Variants in CTSB observed in about 807,000 individuals in gnomAD.
CTSB encodes the protein APP secretase.
In CTSB, 57 loss-of-function variants were observed where a neutral mutation model predicts 44.3. That is an observed-to-expected ratio of 1.29 (90% CI 1.04 to 1.60). CTSB has a LOEUF of 1.60. Ranked by LOEUF, CTSB falls within the 40% of genes most tolerant of loss-of-function variation. The pLI is 0.00. For synonymous variants in CTSB, 320 were observed against 168.0 expected, an observed-to-expected ratio of 1.91 and a Z score of -7.00; for missense variants, 768 against 443.0, an observed-to-expected ratio of 1.73 and a Z score of -6.59.
In CTSB at chr8:11,843,863, T is replaced by G. The variant is rs1586058510; in HGVS notation, c.*1262A>C. The G allele has an allele frequency of 6.6e-6, 1 of 152,172 alleles. No individual in the cohort carries two copies. Among genetic ancestry groups the G allele is most frequent in the Non-Finnish European group, 1.5e-5 (1 of 68,050 alleles). The allele number at this position is 152,172 out of a possible 1,614,324, so 9.4% of individuals were successfully genotyped here. ...CTGGCCAACATGGTGAAATCCTGTA[T>G]GTACTTAAAAATACAAAAATTACCC... On this transcript the variant is annotated 3_prime_UTR_variant, in exon 10 of 10. Coordinates refer to ENST00000353047, the MANE Select transcript of CTSB (RefSeq NM_001908.5).
chr8:11,844,022 C>T lies in CTSB; in HGVS notation c.*1103G>A, dbSNP rs62495679. ...CACTCCAGCCTGGGAGACGGAATCT[C>T]ACTCTGTCAGTCACAACAACAACAA... On this transcript the variant is annotated 3_prime_UTR_variant, in exon 10 of 10. Transcript: ENST00000353047. The T allele has an allele frequency of 1.2e-4, 17 of 136,014 alleles. No homozygotes were observed. Among genetic ancestry groups the T allele is most frequent in the African/African-American group, 6.1e-4 (17 of 28,084 alleles). 8.4% of individuals were successfully genotyped at this position (136,014 alleles called of 1,614,324 possible).
At chr8:11,853,582 G>T in intron 1 of CTSB, 103 bp from the exon 2 acceptor site, 2 of 1,185,174 alleles carry the variant, frequency 1.7e-6, no homozygotes, top group South Asian at 1.5e-5. Context: ...CCCCATGCTC[G>T]TCCTGGCCCA....
At chr8:11,861,094 A>G (rs985491836) in intron 1 of CTSB, among the ~76,000 whole-genome samples, 1 of 152,206 alleles carries the variant, frequency 6.6e-6, no homozygotes, top group African/African-American at 2.4e-5. Flanking sequence ...TGTTTAGTAG[A>G]TTCTTGGCTT....
In CTSB at chr8:11,847,689, G is replaced by C. The variant is rs1437352509; in HGVS notation, c.666C>G (p.Asp222Glu). The C allele has an allele frequency of 2.5e-6, 4 of 1,568,724 alleles. No homozygotes were observed. The highest frequency in any genetic ancestry group is 2.6e-6 in the Non-Finnish European group (3 of 1,160,508). ...EPGYSPTYKQDKHYGYNSYSV... is the reference protein window; with the variant it reads ...EPGYSPTYKQEKHYGYNSYSV... Reference sequence around the variant, plus strand: ...CCCCAGGCCCCTTACCGTAGTGCTTGTCCTGTTTGTAGGTCGGGCTGTAGC... The same window carrying C: ...CCCCAGGCCCCTTACCGTAGTGCTTCTCCTGTTTGTAGGTCGGGCTGTAGC... The change falls in exon 7 of 10, where the codon GAC becomes GAG. Residue 222 changes from aspartate to glutamate, a missense_variant. By Grantham distance (45) the Asp-to-Glu change is conservative. Transcript: ENST00000353047.
chr8:11,863,445 G>C (rs1816701240), intron 1 of CTSB, among the ~76,000 whole-genome samples: 1 of 151,400 alleles, frequency 6.6e-6, no homozygotes, highest in South Asian at 2.1e-4. Context: ...GCGACACAGT[G>C]AGACTCCGTT....
At chr8:11,848,014 T>TA in intron 6 of CTSB, 53 bp downstream of exon 6, 1 of 1,467,188 alleles carries the variant, frequency 6.8e-7, no homozygotes, top group East Asian at 2.3e-5. Flanking sequence ...CCATGATGGT[T>TA]AATTGCTCAA....
chr8:11,845,308 T>C, intron 9 of CTSB, 86 bp from the exon 10 acceptor site: 1 of 1,045,020 alleles, frequency 9.6e-7, no homozygotes, highest in South Asian at 1.4e-5. Flanking sequence ...CTTAAGTCAC[T>C]CATCCCTGGC....
chr8:11,845,523 G>C (rs919005546), intron 9 of CTSB, 138 bp downstream of exon 9: 5 of 1,049,634 alleles, frequency 4.8e-6, no homozygotes, highest in Non-Finnish European at 6.8e-6. Context: ...TGACTGCCTG[G>C]CACTTAGGAG....
intron 1 of CTSB, 144 bp from the exon 2 acceptor site, chr8:11,853,623 T>A: frequency 1.3e-6 from 1 of 783,054 alleles, no homozygotes. Context: ...CTGAGGTGTC[T>A]ATGGGATCCC....
chr8:11,856,832 T>C (rs1815597649), intron 1 of CTSB, among the ~76,000 whole-genome samples: 1 of 148,894 alleles, frequency 6.7e-6, no homozygotes, highest in Admixed American at 6.8e-5. Flanking sequence ...AGACTTTTTT[T>C]CACAACATAC....
chr8:11,863,820 G>A (rs1816746378), intron 1 of CTSB, among the ~76,000 whole-genome samples: 1 of 152,150 alleles, frequency 6.6e-6, no homozygotes, highest in Non-Finnish European at 1.5e-5. Flanking sequence ...TCTGCACACT[G>A]CTGGGCGAGT....
rs548336964 is a variant in CTSB, at chr8:11,858,954, C to T, written c.-25-5475G>A. Reference sequence around the variant, plus strand: ...TACAAGAGATGATGAACACAAAGTCCTTATTTCACGAGGGAAGGATGTGAA... The same window carrying T: ...TACAAGAGATGATGAACACAAAGTCTTTATTTCACGAGGGAAGGATGTGAA... On this transcript the variant is annotated intron_variant, in intron 1 of 9. Coordinates refer to ENST00000353047, the MANE Select transcript of CTSB (RefSeq NM_001908.5). 1.1e-3 allele frequency among the ~76,000 whole-genome samples: 174 copies of T among 152,232 alleles called. 1 individual carries two copies. The highest frequency in any genetic ancestry group is 3.9e-3 in the African/African-American group (161 of 41,548).
intron 7 of CTSB, among the ~76,000 whole-genome samples, 178 bp downstream of exon 7, chr8:11,847,501 G>C (rs530651001): frequency 3.9e-5 from 6 of 152,342 alleles, no homozygotes; most frequent in Admixed American, 1.3e-4. Context: ...GGGTGGAACA[G>C]GCAGAAAGTG....
chr8:11,853,528 G>A (rs1316045486), intron 1 of CTSB, 49 bp from the exon 2 acceptor site: 1 of 1,541,242 alleles, frequency 6.5e-7, no homozygotes, highest in Admixed American at 1.8e-5. Flanking sequence ...TGTGGGTCGA[G>A]GGCTCACACA....
chr8:11,859,802 C>CAAT (rs1214498172), intron 1 of CTSB, among the ~76,000 whole-genome samples: 1 of 128,784 alleles, frequency 7.8e-6, no homozygotes, highest in Non-Finnish European at 1.6e-5. Context: ...AGGCCGGACA[C>CAAT]AATGGCTCAC....
intron 1 of CTSB, chr8:11,864,414 CT>C (rs1563438501): frequency 6.7e-6 from 1 of 150,360 alleles, no homozygotes; most frequent in Non-Finnish European, 1.5e-5. Context: ...TCGCTTACAT[CT>C]GGGTGGCTGA....
Position 11,845,729 on chromosome 8 carries a change from C to G in CTSB, c.854G>C (p.Trp285Ser), listed in dbSNP as rs959069772. The change falls in exon 9 of 10, where the codon TGG becomes TCG. Residue 285 changes from tryptophan (W) to serine (S), a missense_variant. Coordinates refer to ENST00000353047, the MANE Select transcript of CTSB (RefSeq NM_001908.5). Reference protein sequence around the residue: ...MGGHAIRILGWGVENGTPYWL... With the variant: ...MGGHAIRILGSGVENGTPYWL... ...GTAGGGTGTGCCATTCTCCACTCCC[C>G]AGCCCAGGATGCGGATGGCATGGCC... 1.2e-6 allele frequency: 2 copies of G among 1,614,058 alleles called. No individual in the cohort carries two copies. Among genetic ancestry groups the G allele is most frequent in the Non-Finnish European group, 1.7e-6 (2 of 1,180,006 alleles).
chr8:11,847,871 A>AAGCCCCAGCTGGGCGAGGC (rs3215434), intron 6 of CTSB, 49 bp from the exon 7 acceptor site: 916,448 of 1,552,858 alleles, frequency 0.59, 274,426 homozygotes, highest in Non-Finnish European at 0.62. Flanking sequence ...CCCCACGGAG[A>AAGCCCCAGCTGGGCGAGGC]AGACCTGGGG....
chr8:11,851,107 G>C (rs905826197), intron 3 of CTSB, 127 bp from the exon 4 acceptor site: 3 of 552,890 alleles, frequency 5.4e-6, no homozygotes, highest in Middle Eastern at 2.8e-4. Context: ...GCCGAAGAAG[G>C]CTGCAGACAG....
Sources: allele counts gnomAD v4.1 joint callset (sites outside exome capture counted in the v4.1 genomes callset), GRCh38; gene constraint gnomAD v4.1.1; transcripts MANE v1.5; gene names NCBI Gene and HGNC (gene_info 2026-07-23, HGNC 2026-07-21).